FARS2: variants seen among roughly 807,000 people sequenced by gnomAD.
FARS2 encodes the protein phenylalanine--tRNA ligase, mitochondrial.
FARS2 carries 40 observed loss-of-function variants against 46.4 expected under a neutral mutation model. The ratio of observed to expected loss-of-function variants is 0.86; its 90% CI spans 0.67 to 1.12. The LOEUF (loss-of-function observed/expected upper bound fraction) is 1.12, where lower values mean the gene tolerates loss of function less well. Among genes scored for constraint, FARS2 ranks in the 50% most tolerant of loss-of-function variants. The pLI, the probability that FARS2 is intolerant of heterozygous loss-of-function variation, is 0.00. For missense variants in FARS2, 513 were observed against 567.9 expected (o/e 0.90, Z 0.98); for synonymous variants, 234 against 214.9 (o/e 1.09, Z -0.78).
At chr6:5,321,920 G>T (rs1276157210) in intron 1 of FARS2, among the ~76,000 whole-genome samples, 2 of 152,194 alleles carry the variant, frequency 1.3e-5, no homozygotes, top group African/African-American at 2.4e-5. Flanking sequence ...ACAATTTATG[G>T]TGTGGTGGGA....
chr6:5,362,763 G>A (rs1314889589), intron 1 of FARS2, among the ~76,000 whole-genome samples: 1 of 151,928 alleles, frequency 6.6e-6, no homozygotes, highest in African/African-American at 2.4e-5. Flanking sequence ...TTTGGTAATA[G>A]CGGTTCTAAC....
chr6:5,662,293 T>C (rs888805872), intron 6 of FARS2, among the ~76,000 whole-genome samples: 1 of 152,236 alleles, frequency 6.6e-6, no homozygotes, highest in African/African-American at 2.4e-5. Flanking sequence ...ATTATTACAG[T>C]TCTACATGCA....
At chr6:5,261,936 C>G (rs1235503176) in intron 1 of FARS2, among the ~76,000 whole-genome samples, 1 of 152,174 alleles carries the variant, frequency 6.6e-6, no homozygotes, top group Non-Finnish European at 1.5e-5. Context: ...TTTTTTGAAT[C>G]ATCTTATTAA....
intron 4 of FARS2, among the ~76,000 whole-genome samples, chr6:5,513,291 C>G (rs1768570933): frequency 6.6e-6 from 1 of 152,152 alleles, no homozygotes; most frequent in African/African-American, 2.4e-5. Flanking sequence ...GGGAAAGGAG[C>G]TGAGCCGTGT....
At chr6:5,660,650 GAAA>G (rs58377881) in intron 6 of FARS2, among the ~76,000 whole-genome samples, 3 of 104,100 alleles carry the variant, frequency 2.9e-5, no homozygotes, top group Non-Finnish European at 3.9e-5. Flanking sequence ...CCCTGTCTCA[GAAA>G]AAAAAAAAAA....
chr6:5,633,537 G>A (rs912319385), intron 6 of FARS2, among the ~76,000 whole-genome samples: 3 of 151,894 alleles, frequency 2.0e-5, no homozygotes, highest in Admixed American at 2.0e-4. Flanking sequence ...CAAAGTGCTG[G>A]GATTACAGGC....
intron 5 of FARS2, chr6:5,609,312 C>T: frequency 9.1e-7 from 1 of 1,098,344 alleles, no homozygotes; most frequent in South Asian, 1.2e-5. Context: ...AAAGTATTGG[C>T]CTCTACCACC....
At chr6:5,271,560 G>GT (rs59053657) in intron 1 of FARS2, among the ~76,000 whole-genome samples, 71,003 of 108,602 alleles carry the variant, frequency 0.65, 25,300 homozygotes, top group East Asian at 0.82. Flanking sequence ...GACTATGTCT[G>GT]TTTTTTTTTT....
chr6:5,646,166 G>T (rs1777063959), intron 6 of FARS2, among the ~76,000 whole-genome samples: 1 of 152,130 alleles, frequency 6.6e-6, no homozygotes, highest in Non-Finnish European at 1.5e-5. Flanking sequence ...GGGTAAAAAT[G>T]GTGAGATTTG....
chr6:5,322,958 G>T (rs985735168), intron 1 of FARS2, among the ~76,000 whole-genome samples: 1 of 152,106 alleles, frequency 6.6e-6, no homozygotes, highest in Non-Finnish European at 1.5e-5. Context: ...ATTTCACAGC[G>T]ATAGCTCCCA....
intron 6 of FARS2, among the ~76,000 whole-genome samples, chr6:5,643,287 A>G (rs775696456): frequency 1.2e-4 from 18 of 152,152 alleles, no homozygotes; most frequent in Non-Finnish European, 2.4e-4. Context: ...TGTGAAAACG[A>G]TTTCTAATCA....
chr6:5,258,263 T>C (rs777947533), upstream of FARS2, among the ~76,000 whole-genome samples: 26 of 152,258 alleles, frequency 1.7e-4, no homozygotes, highest in Non-Finnish European at 3.4e-4. Flanking sequence ...TTTATTTCAC[T>C]ACTCTAATTA....
chr6:5,501,027 G>A (rs1038530656), intron 4 of FARS2, among the ~76,000 whole-genome samples: 4 of 151,768 alleles, frequency 2.6e-5, no homozygotes, highest in Non-Finnish European at 5.9e-5. Context: ...AGGGAATGCA[G>A]TGATTAACAA....
intron 4 of FARS2, among the ~76,000 whole-genome samples, chr6:5,499,604 A>G (rs775737393): frequency 6.6e-6 from 1 of 152,190 alleles, no homozygotes; most frequent in Non-Finnish European, 1.5e-5. Flanking sequence ...TCCTAATTCT[A>G]TGCATTTAGA....
intron 6 of FARS2, among the ~76,000 whole-genome samples, chr6:5,718,064 C>T (rs1759644221): frequency 6.6e-6 from 1 of 151,976 alleles, no homozygotes; most frequent in Non-Finnish European, 1.5e-5. Flanking sequence ...CAGGCGTGTG[C>T]CACCACGCCT....
At chr6:5,365,449 G>GC (rs1259992441) in intron 1 of FARS2, among the ~76,000 whole-genome samples, 2 of 144,944 alleles carry the variant, frequency 1.4e-5, no homozygotes, top group East Asian at 4.2e-4. Flanking sequence ...TCCTGCCTTA[G>GC]CTCCCCAGTA....
At chr6:5,427,684 C>T (rs565107065) in intron 3 of FARS2, among the ~76,000 whole-genome samples, 2 of 152,208 alleles carry the variant, frequency 1.3e-5, no homozygotes, top group South Asian at 2.1e-4. Context: ...TGAAAAACAT[C>T]GGCTAACGTC....
intron 5 of FARS2, among the ~76,000 whole-genome samples, chr6:5,558,362 C>T (rs978775492): frequency 2.0e-5 from 3 of 151,952 alleles, no homozygotes; most frequent in African/African-American, 4.8e-5. Flanking sequence ...AAACTTCATG[C>T]GTTTATACTG....
chr6:5,379,838 C>T (rs968712830), intron 2 of FARS2, among the ~76,000 whole-genome samples: 1 of 152,154 alleles, frequency 6.6e-6, no homozygotes, highest in South Asian at 2.1e-4. Flanking sequence ...CATGTCCCTC[C>T]AGCGACCTCT....
Sources: gnomAD v4.1 joint callset for allele counts (sites outside exome capture counted in the v4.1 genomes callset) on GRCh38, gnomAD v4.1.1 for gene constraint, MANE v1.5 for transcripts, NCBI Gene and HGNC (gene_info 2026-07-23, HGNC 2026-07-21) for gene names.